The following SDR42E1 variants were observed in gnomAD, a reference collection of about 807,000 sequenced individuals.
SDR42E1 encodes short-chain dehydrogenase/reductase family 42E member 1.
In SDR42E1, 5 loss-of-function variants were observed where a neutral mutation model predicts 2.6. The observed-to-expected ratio is 1.94, with a 90% CI of 1.01 to 4.08. The LOEUF is 4.08. SDR42E1 is among the 30% of genes most tolerant of loss of function. The pLI is 0.00. For synonymous variants in SDR42E1, 231 were observed against 188.3 expected (o/e 1.23, Z -1.86); for missense variants, 596 against 478.6 (o/e 1.25, Z -2.29).
rs1426354038 is a variant in SDR42E1 at position 81,996,387 on chromosome 16, G to A, written c.*2724C>T. 1 of 152,240 alleles carries A rather than the reference G, an allele frequency of 6.6e-6. No homozygotes were observed. Among genetic ancestry groups the A allele is most frequent in the African/African-American group, 2.4e-5 (1 of 41,464 alleles). The allele number at this position is 152,240 out of a possible 1,614,324, so 9.4% of individuals were successfully genotyped here. On this transcript the variant is annotated 3_prime_UTR_variant, in exon 3 of 3. Transcript: ENST00000328945. Reference sequence around the variant, plus strand: ...CTTAAACATGGGTTAGGTGTGTCAAGTCTGGGAGAGGGCAGGGGTCAGGGA... The same window carrying A: ...CTTAAACATGGGTTAGGTGTGTCAAATCTGGGAGAGGGCAGGGGTCAGGGA...
chr16:82,008,254 C>G (rs969195090), intron 1 of SDR42E1, among the ~76,000 whole-genome samples: 1 of 152,224 alleles, frequency 6.6e-6, no homozygotes, highest in African/African-American at 2.4e-5. Flanking sequence ...TTGGGAATGT[C>G]TTTATTAGCA....
intron 1 of SDR42E1, among the ~76,000 whole-genome samples, chr16:82,005,147 C>T (rs1187194307): frequency 1.3e-5 from 2 of 152,202 alleles, no homozygotes; most frequent in Non-Finnish European, 2.9e-5. Context: ...TAAAATTACA[C>T]ATTCCAGTCC....
In SDR42E1 at chr16:81,989,423, C is replaced by T. The variant is rs1235878435; in HGVS notation, c.*9688G>A. ...TTTGGCCTTATCCGTAATATTTTAA[C>T]ATTATATAAGAAAAATACATCTATG... On this transcript the variant is annotated 3_prime_UTR_variant, in exon 3 of 3. Coordinates refer to ENST00000328945, the MANE Select transcript of SDR42E1 (RefSeq NM_145168.3). 6.6e-6 allele frequency: 1 copy of T among 152,124 alleles called. No homozygotes were observed. The highest frequency in any genetic ancestry group is 1.9e-4 in the East Asian group (1 of 5,196). The allele number at this position is 152,124 out of a possible 1,614,324, so 9.4% of individuals were successfully genotyped here.
At position 81,998,944 on chromosome 16, in the gene SDR42E1, A is replaced by C; in HGVS notation, c.*167T>G. On this transcript the variant is annotated 3_prime_UTR_variant, in exon 3 of 3. Coordinates refer to ENST00000328945, the MANE Select transcript of SDR42E1 (RefSeq NM_145168.3). ...CTTCTGCTTTTTCATTCCCATCTGG[A>C]TTAGTGCAAGGAAATAAGACATAAA... The C allele has an allele frequency of 1.5e-6, 1 of 685,916 alleles. No homozygotes were observed. The highest frequency in any genetic ancestry group is 2.4e-6 in the Non-Finnish European group (1 of 419,800). The allele number at this position is 685,916 out of a possible 1,614,324, so 42.5% of individuals were successfully genotyped here.
chr16:82,000,409 T>C (rs954735511), intron 2 of SDR42E1, 185 bp from the exon 3 acceptor site: 1 of 754,756 alleles, frequency 1.3e-6, no homozygotes, highest in African/African-American at 1.7e-5. Context: ...GTGAGAATCC[T>C]CTCATCTACT....
chr16:82,009,679 C>A (rs1291622062), intron 1 of SDR42E1, among the ~76,000 whole-genome samples: 1 of 152,160 alleles, frequency 6.6e-6, no homozygotes, highest in South Asian at 2.1e-4. Context: ...AAGGGGCTTG[C>A]CTTGCCTCAG....
At position 81,991,070 on chromosome 16, in the gene SDR42E1, T is replaced by A. The variant is rs571634131; in HGVS notation, c.*8041A>T. 1.3e-5 allele frequency: 2 copies of A among 152,328 alleles called. No homozygotes were observed. Among genetic ancestry groups the A allele is most frequent in the East Asian group, 3.9e-4 (2 of 5,178 alleles). 9.4% of individuals were successfully genotyped at this position (152,328 alleles called of 1,614,324 possible). A position where few individuals can be genotyped will look rare whatever the true frequency, so the allele number is the denominator to read the frequency against. On this transcript the variant is annotated 3_prime_UTR_variant, in exon 3 of 3. Coordinates refer to ENST00000328945, the MANE Select transcript of SDR42E1 (RefSeq NM_145168.3). ...CAAGATACTGATTTAGAGGAGAGAC[T>A]AGGACATGTGCAATGTGACCAATAT...
chr16:81,996,239 G>A lies in SDR42E1; in HGVS notation c.*2872C>T, dbSNP rs1912538607. ...TGGCTAGGCATGTGGAGAATGGACT[G>A]AAGGAAGGAGGGTGTGGATATGGGT... is the stretch of plus-strand genomic sequence containing the variant. On this transcript the variant is annotated 3_prime_UTR_variant, in exon 3 of 3. Coordinates refer to ENST00000328945, the MANE Select transcript of SDR42E1 (RefSeq NM_145168.3). The A allele has an allele frequency of 6.6e-6, 1 of 152,338 alleles. No individual in the cohort carries two copies. Among genetic ancestry groups the A allele is most frequent in the Non-Finnish European group, 1.5e-5 (1 of 68,126 alleles). 9.4% of individuals were successfully genotyped at this position (152,338 alleles called of 1,614,324 possible).
rs542803411 is a variant in SDR42E1, at chr16:82,009,953, A to C, written c.-27+1434T>G. Among the ~76,000 whole-genome samples the C allele has an allele frequency of 2.0e-5, 3 of 152,248 alleles. No individual in the cohort carries two copies. In the South Asian group the frequency reaches 6.2e-4, roughly 31 times the overall value. On this transcript the variant is annotated intron_variant, in intron 1 of 2. Transcript: ENST00000328945. ...GTTTTTCCCATGCCGTTCTCTTGAT[A>C]GTGAATAAGTCTCAAAAGATCTGAT...
rs748431974 is a variant in SDR42E1 at position 81,999,202 on chromosome 16, G to A, written c.1091C>T (p.Ser364Leu). Residue 364 changes from serine to leucine, a missense_variant, in exon 3 of 3, where the codon TCG becomes TTG. Transcript: ENST00000328945. ...GHGRSSGSRD[S>L]ECFVWDGLLV... ...TAGCCCATCCCAAACAAAACACTCC[G>A]AGTCACGACTTCCAGAACTTCTGCC... 2 of 1,614,160 alleles carry A rather than the reference G, an allele frequency of 1.2e-6. No homozygotes were observed. Among genetic ancestry groups the A allele is most frequent in the Non-Finnish European group, 1.7e-6 (2 of 1,180,018 alleles).
In SDR42E1 at chr16:81,995,520, C is replaced by T. The variant is rs1288080237; in HGVS notation, c.*3591G>A. Reference sequence around the variant, plus strand: ...CCACATTCCTTCCCCATTCCCTGACCTCCTTATAGCATTAATACTCCACCA... The same window carrying T: ...CCACATTCCTTCCCCATTCCCTGACTTCCTTATAGCATTAATACTCCACCA... On this transcript the variant is annotated 3_prime_UTR_variant, in exon 3 of 3. Transcript: ENST00000328945. The T allele has an allele frequency of 6.6e-6, 1 of 152,214 alleles. No homozygotes were observed. The highest frequency in any genetic ancestry group is 2.4e-5 in the African/African-American group (1 of 41,438). 9.4% of individuals were successfully genotyped at this position (152,214 alleles called of 1,614,324 possible).
At position 81,997,313 on chromosome 16, in the gene SDR42E1, G is replaced by C. The variant is rs1912564997; in HGVS notation, c.*1798C>G. 1 of 152,220 alleles carries C rather than the reference G, an allele frequency of 6.6e-6. No individual in the cohort carries two copies. The highest frequency in any genetic ancestry group is 2.4e-5 in the African/African-American group (1 of 41,454). The allele number at this position is 152,220 out of a possible 1,614,324, so 9.4% of individuals were successfully genotyped here. Reference sequence around the variant, plus strand: ...AAGGATGACTCACATCGGGCCAAGAGCTCAGCCTCCAAGATCGCCTTTGAC... The same window carrying C: ...AAGGATGACTCACATCGGGCCAAGACCTCAGCCTCCAAGATCGCCTTTGAC... On this transcript the variant is annotated 3_prime_UTR_variant, in exon 3 of 3. Transcript: ENST00000328945.
In SDR42E1 at chr16:82,001,678, G is replaced by A. The variant is rs539827781; in HGVS notation, c.-26-794C>T. On this transcript the variant is annotated intron_variant, in intron 1 of 2. Coordinates refer to ENST00000328945, the MANE Select transcript of SDR42E1 (RefSeq NM_145168.3). Reference sequence around the variant, plus strand: ...AGCACTTTGGGAGGCCGAGGCAGGCGGATCATGAGGTCAGGAGATCGAGAC... The same window carrying A: ...AGCACTTTGGGAGGCCGAGGCAGGCAGATCATGAGGTCAGGAGATCGAGAC... Among the ~76,000 whole-genome samples the A allele has an allele frequency of 8.2e-4, 124 of 152,070 alleles. 1 individual carries two copies. The highest frequency in any genetic ancestry group is 2.7e-3 in the South Asian group (13 of 4,814).
rs1377142466 is a variant in SDR42E1, at chr16:81,998,844, T to C, written c.*267A>G. 1.1e-5 allele frequency: 5 copies of C among 440,214 alleles called. No individual in the cohort carries two copies. Among genetic ancestry groups the C allele is most frequent in the Non-Finnish European group, 2.0e-5 (5 of 250,034 alleles). 27.3% of individuals were successfully genotyped at this position (440,214 alleles called of 1,614,324 possible). A position where few individuals can be genotyped will look rare whatever the true frequency, so the allele number is the denominator to read the frequency against. On this transcript the variant is annotated 3_prime_UTR_variant, in exon 3 of 3. Coordinates refer to ENST00000328945, the MANE Select transcript of SDR42E1 (RefSeq NM_145168.3). The stretch of plus-strand genomic sequence containing the variant: ...TCCAACTCAACTAAGCCTACTTCTA[T>C]GGCTCCAAACTGACTTCTATTGTAC...
chr16:82,000,462 A>AT (rs1406293212), intron 2 of SDR42E1: 2 of 664,348 alleles, frequency 3.0e-6, no homozygotes, highest in Non-Finnish European at 2.7e-6. Flanking sequence ...GAATGGTGGC[A>AT]TTTTTCCCCC....
At position 81,993,165 on chromosome 16, in the gene SDR42E1, C is replaced by G. The variant is rs1912466208; in HGVS notation, c.*5946G>C. The G allele has an allele frequency of 6.6e-6, 1 of 152,250 alleles. No homozygotes were observed. The highest frequency in any genetic ancestry group is 2.4e-5 in the African/African-American group (1 of 41,424). 9.4% of individuals were successfully genotyped at this position (152,250 alleles called of 1,614,324 possible). On this transcript the variant is annotated 3_prime_UTR_variant, in exon 3 of 3. Transcript: ENST00000328945. ...TCCAAGGCCCTTTGGCGAGTCCCAT[C>G]TCCCCCTTCATTCATTCAGCAAAGT...
chr16:81,999,440 T>C lies in SDR42E1; in HGVS notation c.853A>G (p.Thr285Ala). 3.7e-6 allele frequency: 6 copies of C among 1,614,058 alleles called. No homozygotes were observed. The highest frequency in any genetic ancestry group is 5.1e-6 in the Non-Finnish European group (6 of 1,180,014). ...YTFPSTRLPL[T>A]LVYCFAFLTE... ...AGAAAAGCAAAGCAGTAGACCAAGG[T>C]CAATGGCAGGCGGGTAGACGGGAAT... The change falls in exon 3 of 3, where the codon ACC (threonine) becomes GCC (alanine). Residue 285 changes from threonine to alanine, a missense_variant. By Grantham distance (58) the Thr-to-Ala change is moderately conservative. Transcript: ENST00000328945.
rs1912600464 is a variant in SDR42E1 at position 81,998,369 on chromosome 16, G to C, written c.*742C>G. 1 of 152,202 alleles carries C rather than the reference G, an allele frequency of 6.6e-6. No homozygotes were observed. The highest frequency in any genetic ancestry group is 1.5e-5 in the Non-Finnish European group (1 of 68,054). The allele number at this position is 152,202 out of a possible 1,614,324, so 9.4% of individuals were successfully genotyped here. ...ACCCAAAGACATTGCAGAAAGTCCA[G>C]TAGCAATAGCCCTCTAAAGAGAACA... On this transcript the variant is annotated 3_prime_UTR_variant, in exon 3 of 3. Transcript: ENST00000328945.
Position 82,000,860 on chromosome 16 carries a change from T to G in SDR42E1, c.-2A>C. The stretch of plus-strand genomic sequence containing the variant: ...CTTTTGAGATCTTTTGGGGTCCATA[T>G]GTGGCAGTCAAAAGATAACTGGACC... On this transcript the variant is annotated 5_prime_UTR_variant, in exon 2 of 3. Coordinates refer to ENST00000328945, the MANE Select transcript of SDR42E1 (RefSeq NM_145168.3). The G allele has an allele frequency of 1.2e-6, 2 of 1,612,962 alleles. No individual in the cohort carries two copies. The highest frequency in any genetic ancestry group is 2.7e-5 in the African/African-American group (2 of 74,856).
Sources: gnomAD v4.1 joint callset for allele counts (sites outside exome capture counted in the v4.1 genomes callset) on GRCh38, gnomAD v4.1.1 for gene constraint, MANE v1.5 for transcripts, NCBI Gene and HGNC (gene_info 2026-07-23, HGNC 2026-07-21) for gene names.